LMAN2: variants seen among roughly 807,000 people sequenced by gnomAD.
LMAN2 encodes the protein lectin, mannose binding 2.
A neutral mutation model predicts 39.3 loss-of-function variants in LMAN2; 22 were observed. The ratio of observed to expected loss-of-function variants is 0.56; its 90% confidence interval spans 0.40 to 0.80. The LOEUF (loss-of-function observed/expected upper bound fraction) is 0.80, where lower values mean the gene tolerates loss of function less well. Among genes scored for constraint, LMAN2 ranks in the 30% least tolerant of loss-of-function variants. The pLI is 0.00. For synonymous variants in LMAN2, 207 were observed against 207.8 expected (o/e 1.00, Z 0.03); for missense variants, 494 against 505.4 (o/e 0.98, Z 0.22).
At position 177,332,201 on chromosome 5, in the gene LMAN2, G is replaced by A. The variant is rs778210101; in HGVS notation, c.956C>T (p.Thr319Met). The change falls in exon 8 of 8, where the codon ACG (threonine) becomes ATG (methionine). Residue 319 changes from threonine (T) to methionine (M), a missense_variant. Coordinates refer to ENST00000303127, the MANE Select transcript of LMAN2 (RefSeq NM_006816.3). The surrounding 1 kb of genome is among the most constrained non-coding windows in gnomAD (Gnocchi z 6.3). ...CAGCAGCAGGAACACCCGCCACCCCGTCAGGGGCCCGCTGCGGAAGTTCCC... is the reference window on the plus strand; with the variant it reads ...CAGCAGCAGGAACACCCGCCACCCCATCAGGGGCCCGCTGCGGAAGTTCCC... ...PTGNFRSGPL[T>M]GWRVFLLLLC... The A allele has an allele frequency of 6.2e-5, 100 of 1,613,214 alleles. No individual in the cohort carries two copies. Among genetic ancestry groups the A allele is most frequent in the Admixed American group, 1.3e-4 (8 of 59,982 alleles).
At position 177,351,568 on chromosome 5, in the gene LMAN2, GGGCCGGGGCCGAGAA is replaced by G. The variant is rs1761725933; in HGVS notation, c.65_79del (p.Leu22_Gly26del). 4 of 1,614,090 alleles carry G rather than the reference GGGCCGGGGCCGAGAA, an allele frequency of 2.5e-6. 1 individual carries two copies. The East Asian group carries it at 8.9e-5, about 36-fold the overall frequency. Reference sequence around the variant, plus strand: ...AAGAAAGAGAGGTGTAGTGGGGCCAGGGCCGGGGCCGAGAAGCCCAGGCCTTCCCAGGCACCGCCG... The same window carrying G: ...AAGAAAGAGAGGTGTAGTGGGGCCAGGCCCAGGCCTTCCCAGGCACCGCCG... On this transcript the variant is annotated inframe_deletion, in exon 1 of 8. Transcript: ENST00000303127.
Position 177,338,463 on chromosome 5 carries a change from C to A in LMAN2, c.433+25G>T, listed in dbSNP as rs1240950911. 4 of 1,598,996 alleles carry A rather than the reference C, an allele frequency of 2.5e-6. No homozygotes were observed. The South Asian group carries it at 4.4e-5, about 18-fold the overall frequency. On this transcript the variant is annotated intron_variant, in intron 3 of 7. Transcript: ENST00000303127. The stretch of plus-strand genomic sequence containing the variant: ...CATGCCCGTGCCCACCCCCACAGGG[C>A]CCAGCTGAGCGAACACCAGCCCACC...
chr5:177,333,601 G>T (rs892628199), intron 7 of LMAN2, among the ~76,000 whole-genome samples: 1 of 152,238 alleles, frequency 6.6e-6, no homozygotes, highest in Non-Finnish European at 1.5e-5. Flanking sequence ...CCAGGGCTGG[G>T]CTACGACAGA....
At chr5:177,338,651 C>G (rs771553139) in intron 2 of LMAN2, 46 bp from the exon 3 acceptor site, 1 of 1,558,466 alleles carries the variant, frequency 6.4e-7, no homozygotes. Context: ...CCAGGGCCTT[C>G]CAGCAAGCTG....
chr5:177,346,878 G>C (rs1369995254), intron 2 of LMAN2, among the ~76,000 whole-genome samples: 1 of 152,116 alleles, frequency 6.6e-6, no homozygotes, highest in African/African-American at 2.4e-5. Context: ...GAAAGCTAGA[G>C]AAGATCCGAA....
Position 177,333,362 on chromosome 5 carries a change from C to T in LMAN2, c.910+922G>A, listed in dbSNP as rs548896264. On this transcript the variant is annotated intron_variant, in intron 7 of 7. Coordinates refer to ENST00000303127, the MANE Select transcript of LMAN2 (RefSeq NM_006816.3). Reference sequence around the variant, plus strand: ...TGAATCTAAAAACGAGTTCATCCTGCCTTGCCAGCTGCACGGGATGCTGGG... The same window carrying T: ...TGAATCTAAAAACGAGTTCATCCTGTCTTGCCAGCTGCACGGGATGCTGGG... 4.6e-5 allele frequency among the ~76,000 whole-genome samples: 7 copies of T among 152,362 alleles called. No individual in the cohort carries two copies. In the South Asian group the frequency reaches 1.4e-3, roughly 32 times the overall value.
intron 6 of LMAN2, among the ~76,000 whole-genome samples, chr5:177,335,435 C>T (rs994934203): frequency 6.6e-6 from 1 of 152,246 alleles, no homozygotes; most frequent in African/African-American, 2.4e-5. Flanking sequence ...TGACCCCTGA[C>T]CAGTGGTCAG....
rs1339404302 is a variant in LMAN2 at position 177,332,637 on chromosome 5, C to T, written c.911-391G>A. On this transcript the variant is annotated intron_variant, in intron 7 of 7. Coordinates refer to ENST00000303127, the MANE Select transcript of LMAN2 (RefSeq NM_006816.3). This position sits in a 1 kb window ranked among gnomAD's most constrained non-coding sequence, Gnocchi z 6.3. The stretch of plus-strand genomic sequence containing the variant: ...TCTGAGGGCCCTTTCTGGAGCAGCG[C>T]GGCCCTGGTCACAGGCTCTCCCAGC... Among the ~76,000 whole-genome samples, 2 of 152,144 alleles carry T rather than the reference C, an allele frequency of 1.3e-5. No homozygotes were observed. The highest frequency in any genetic ancestry group is 2.9e-5 in the Non-Finnish European group (2 of 68,008).
At chr5:177,338,693 G>A in intron 2 of LMAN2, 88 bp from the exon 3 acceptor site, 1 of 1,037,042 alleles carries the variant, frequency 9.6e-7, no homozygotes, top group Non-Finnish European at 1.5e-6. Flanking sequence ...CTGCCCCACA[G>A]ACCTCTCTTC....
At chr5:177,343,930 C>T (rs1028757952) in intron 2 of LMAN2, among the ~76,000 whole-genome samples, 1 of 152,174 alleles carries the variant, frequency 6.6e-6, no homozygotes, top group Middle Eastern at 3.4e-3. Context: ...TTAAAATGGG[C>T]CAGGCGCAGT....
At chr5:177,349,045 T>C (rs937446601) in intron 2 of LMAN2, among the ~76,000 whole-genome samples, 1 of 152,134 alleles carries the variant, frequency 6.6e-6, no homozygotes, top group Non-Finnish European at 1.5e-5. Context: ...GATGCCAACT[T>C]TTCAAAAGGT....
In LMAN2 at chr5:177,337,387, C is replaced by A. The variant is rs558047682; in HGVS notation, c.651G>T (p.Val217=). 5.0e-6 allele frequency: 8 copies of A among 1,612,166 alleles called. No homozygotes were observed. The South Asian group carries it at 5.5e-5, about 11-fold the overall frequency. ...CCGTCAGACGGCCCCGGGAGTAGCG[C>A]ACAGCCAGGAAGGTGTCGTGATCGC... ...RNRDHDTFLA[V]RYSRGRLTVM... is the part of the protein sequence containing the mutation. Residue 217 remains valine, a synonymous_variant, in exon 5 of 8, where the codon GTG becomes GTT. Transcript: ENST00000303127. This position sits in a 1 kb window ranked among gnomAD's most constrained non-coding sequence, Gnocchi z 8.2.
intron 6 of LMAN2, among the ~76,000 whole-genome samples, chr5:177,335,308 T>C (rs949931618): frequency 6.6e-6 from 1 of 152,184 alleles, no homozygotes; most frequent in Admixed American, 6.5e-5. Context: ...CCTGCTCGTA[T>C]CTTAGGAAAA....
chr5:177,337,627 TG>T lies in LMAN2; in HGVS notation c.513+78del, dbSNP rs1433166568. The T allele has an allele frequency of 4.4e-6, 7 of 1,601,878 alleles. No homozygotes were observed. In the East Asian group the frequency reaches 1.1e-4, roughly 26 times the overall value. The stretch of plus-strand genomic sequence containing the variant: ...GGAGGCTCCTCTTGTGCTGGGACCA[TG>T]GAAGTCCCAGGGCCCCCTCCTCTAG... On this transcript the variant is annotated intron_variant, in intron 4 of 7. Coordinates refer to ENST00000303127, the MANE Select transcript of LMAN2 (RefSeq NM_006816.3). The surrounding 1 kb of genome is among the most constrained non-coding windows in gnomAD (Gnocchi z 8.2).
intron 2 of LMAN2, 72 bp from the exon 3 acceptor site, chr5:177,338,677 C>A (rs987328027): frequency 3.3e-6 from 4 of 1,216,254 alleles, no homozygotes; most frequent in Non-Finnish European, 3.7e-6. Context: ...AACCCCAGCA[C>A]GGCCCCTGCC....
In LMAN2 at chr5:177,337,711, T is replaced by C. The variant is rs760985961; in HGVS notation, c.508A>G (p.Thr170Ala). 6.8e-5 allele frequency: 110 copies of C among 1,613,646 alleles called. No homozygotes were observed. The highest frequency in any genetic ancestry group is 9.2e-5 in the Non-Finnish European group (109 of 1,179,864). ...AGGATAGAGCAGGGGCCTACCTCAGTGGTCTCATCATTGGGGTAGGTGTCC... is the reference window on the plus strand; with the variant it reads ...AGGATAGAGCAGGGGCCTACCTCAGCGGTCTCATCATTGGGGTAGGTGTCC... ...FLDTYPNDET[T>A]ERVFPYISVM... Residue 170 changes from threonine (T) to alanine (A), a missense_variant, in exon 4 of 8, where the codon ACT becomes GCT. Transcript: ENST00000303127. The surrounding 1 kb of genome is among the most constrained non-coding windows in gnomAD (Gnocchi z 8.2).
Position 177,334,355 on chromosome 5 carries a change from T to C in LMAN2, c.839A>G (p.His280Arg). Residue 280 changes from histidine (H) to arginine (R), a missense_variant, in exon 7 of 8, where the codon CAC becomes CGC. Transcript: ENST00000303127. ...GTCGATGCTCTCCTCGTCGGGCGTG[T>C]GCTCCACCATCAGCTGGAACAGCTT... ...SMKLFQLMVEHTPDEESIDWT... is the reference protein window; with the variant it reads ...SMKLFQLMVERTPDEESIDWT... The C allele has an allele frequency of 8.1e-6, 13 of 1,613,728 alleles. No individual in the cohort carries two copies. The highest frequency in any genetic ancestry group is 1.1e-5 in the Non-Finnish European group (13 of 1,180,008).
Position 177,336,903 on chromosome 5 carries a change from G to T in LMAN2, c.790+233C>A, listed in dbSNP as rs1581601793. On this transcript the variant is annotated intron_variant, in intron 6 of 7. Coordinates refer to ENST00000303127, the MANE Select transcript of LMAN2 (RefSeq NM_006816.3). ...GGTGAGCTCAGAAACCACAGGAACT[G>T]AGGCCCGGACAGGCCATTTACAGAA... is the stretch of plus-strand genomic sequence containing the variant. 3 of 565,978 alleles carry T rather than the reference G, an allele frequency of 5.3e-6. No individual in the cohort carries two copies. In the East Asian group the frequency reaches 9.0e-5, roughly 17 times the overall value. The allele number at this position is 565,978 out of a possible 1,614,324, so 35.1% of individuals were successfully genotyped here.
chr5:177,341,355 C>A (rs558309895), intron 2 of LMAN2, among the ~76,000 whole-genome samples: 1 of 152,124 alleles, frequency 6.6e-6, no homozygotes, highest in Non-Finnish European at 1.5e-5. Flanking sequence ...CGTGAGCCAC[C>A]GCGCCCGGCC....
Sources: gnomAD v4.1 joint callset for allele counts (sites outside exome capture counted in the v4.1 genomes callset) on GRCh38, gnomAD v4.1.1 for gene constraint, Gnocchi (gnomAD v3.1) non-coding constraint, MANE v1.5 for transcripts, NCBI Gene and HGNC (gene_info 2026-07-23, HGNC 2026-07-21) for gene names.